Variants in ESRRG observed in about 807,000 individuals in gnomAD.
ESRRG encodes estrogen-related receptor gamma.
In ESRRG, 13 loss-of-function variants were observed where a neutral mutation model predicts 44.0. The observed-to-expected ratio is 0.30, with a 90% CI of 0.19 to 0.47. ESRRG has a LOEUF of 0.47. Ranked by LOEUF, ESRRG falls within the 20% of genes least tolerant of loss-of-function variation. The pLI is 1.00. For synonymous variants in ESRRG, 215 were observed against 214.6 expected (o/e 1.00, Z -0.02); for missense variants, 395 against 580.6 (o/e 0.68, Z 3.29).
intron 2 of ESRRG, among the ~76,000 whole-genome samples, chr1:216,879,484 CAAA>C (rs755104959): frequency 5.6e-5 from 5 of 89,440 alleles, no homozygotes; most frequent in Middle Eastern, 6.3e-3. Flanking sequence ...AAAAGGCCAC[CAAA>C]AAAAAAAAAA....
At chr1:216,667,060 C>A (rs528542277) in intron 2 of ESRRG, among the ~76,000 whole-genome samples, 7 of 152,314 alleles carry the variant, frequency 4.6e-5, no homozygotes, top group Non-Finnish European at 7.4e-5. Flanking sequence ...TGCTCCCACA[C>A]TGGAACCAGA....
chr1:217,022,712 G>C (rs11800034), intron 1 of ESRRG, among the ~76,000 whole-genome samples: 2,487 of 152,232 alleles, frequency 0.016, 55 homozygotes, highest in African/African-American at 0.056. Flanking sequence ...GGCCCTTCTA[G>C]GGCTTTAGGA....
intron 1 of ESRRG, among the ~76,000 whole-genome samples, chr1:216,944,939 A>G (rs1406807844): frequency 3.3e-5 from 5 of 152,164 alleles, no homozygotes; most frequent in African/African-American, 1.2e-4. Flanking sequence ...ACACACTGCA[A>G]ATTTAGAGGG....
chr1:217,005,479 G>A (rs1021352335), intron 1 of ESRRG, among the ~76,000 whole-genome samples: 8 of 152,068 alleles, frequency 5.3e-5, no homozygotes, highest in Non-Finnish European at 1.2e-4. Flanking sequence ...ACACAGATAA[G>A]CCCTCTAAAA....
At chr1:216,535,109 T>C (rs1313050657) in intron 5 of ESRRG, among the ~76,000 whole-genome samples, 1 of 152,068 alleles carries the variant, frequency 6.6e-6, no homozygotes, top group Non-Finnish European at 1.5e-5. Flanking sequence ...GAATGTAATA[T>C]TGGTTGAAGT....
At chr1:216,563,973 G>A (rs2059244146) in intron 5 of ESRRG, among the ~76,000 whole-genome samples, 1 of 152,120 alleles carries the variant, frequency 6.6e-6, no homozygotes, top group Admixed American at 6.6e-5. Flanking sequence ...ATTCTCGTTA[G>A]CTTACACTGG....
At chr1:216,567,929 A>C (rs2059977496) in intron 4 of ESRRG, 59 bp downstream of exon 4, 5 of 1,132,382 alleles carry the variant, frequency 4.4e-6, no homozygotes, top group South Asian at 1.2e-5. Context: ...GCTGATGTAC[A>C]TAGAGCCAAC....
chr1:217,059,898 T>G, intron 1 of ESRRG, among the ~76,000 whole-genome samples: 1 of 152,114 alleles, frequency 6.6e-6, no homozygotes, highest in East Asian at 1.9e-4. Context: ...GGGCTTGTCA[T>G]TTTTTAAATG....
intron 5 of ESRRG, among the ~76,000 whole-genome samples, chr1:216,558,820 A>G (rs1261906619): frequency 6.6e-6 from 1 of 152,092 alleles, no homozygotes; most frequent in Non-Finnish European, 1.5e-5. Context: ...CATTAAAAAT[A>G]ACCTTTAAAT....
chr1:216,970,782 C>A (rs17044582), intron 1 of ESRRG, among the ~76,000 whole-genome samples: 90 of 152,228 alleles, frequency 5.9e-4, no homozygotes, highest in Middle Eastern at 6.8e-3. Context: ...TGCTTAGATA[C>A]CTTACTCTTC....
chr1:216,660,842 C>T (rs2072154719), intron 2 of ESRRG, among the ~76,000 whole-genome samples: 1 of 152,106 alleles, frequency 6.6e-6, no homozygotes, highest in Non-Finnish European at 1.5e-5. Context: ...GTCTCTGTAC[C>T]AGTATGGTTG....
At chr1:216,556,670 A>C (rs1271330903) in intron 5 of ESRRG, among the ~76,000 whole-genome samples, 1 of 152,126 alleles carries the variant, frequency 6.6e-6, no homozygotes, top group Non-Finnish European at 1.5e-5. Flanking sequence ...TCCAGCCTCA[A>C]GTCACATCTT....
intron 5 of ESRRG, among the ~76,000 whole-genome samples, chr1:216,541,330 A>G (rs922402800): frequency 6.6e-6 from 1 of 152,054 alleles, no homozygotes; most frequent in Non-Finnish European, 1.5e-5. Context: ...TCAATTTGCA[A>G]CAAAATGTAT....
intron 1 of ESRRG, among the ~76,000 whole-genome samples, chr1:217,080,902 C>A (rs538946973): frequency 6.6e-6 from 1 of 151,880 alleles, no homozygotes; most frequent in Non-Finnish European, 1.5e-5. Context: ...TGGTCTCAAT[C>A]TCCTGACCTC....
chr1:216,895,482 T>C (rs972562318), intron 2 of ESRRG, among the ~76,000 whole-genome samples: 2 of 152,208 alleles, frequency 1.3e-5, no homozygotes, highest in African/African-American at 2.4e-5. Context: ...TCAGTTTAAA[T>C]AGAGTCTCTC....
chr1:216,779,130 A>G (rs1228929969), intron 2 of ESRRG, among the ~76,000 whole-genome samples: 2 of 120,598 alleles, frequency 1.7e-5, no homozygotes, highest in Non-Finnish European at 3.3e-5. Context: ...TTATATATGT[A>G]AATATAAATA....
At chr1:216,781,520 C>T (rs1180045495) in intron 2 of ESRRG, among the ~76,000 whole-genome samples, 3 of 151,996 alleles carry the variant, frequency 2.0e-5, no homozygotes, top group Admixed American at 2.0e-4. Context: ...TCAACATTTA[C>T]GTAATGTCTT....
chr1:216,538,106 C>A (rs569336325), intron 5 of ESRRG, among the ~76,000 whole-genome samples: 1 of 152,026 alleles, frequency 6.6e-6, no homozygotes, highest in East Asian at 1.9e-4. Flanking sequence ...ACTTCCTTCT[C>A]TCCTGCTTTC....
intron 2 of ESRRG, among the ~76,000 whole-genome samples, chr1:216,813,611 A>G (rs967389081): frequency 6.6e-6 from 1 of 152,172 alleles, no homozygotes; most frequent in Non-Finnish European, 1.5e-5. Flanking sequence ...ATGGTGAGCA[A>G]TGTTTGGAAG....
Sources: gnomAD v4.1 joint callset for allele counts (sites outside exome capture counted in the v4.1 genomes callset) on GRCh38, gnomAD v4.1.1 for gene constraint, MANE v1.5 for transcripts, NCBI Gene and HGNC (gene_info 2026-07-23, HGNC 2026-07-21) for gene names.